INSYN2A: variants seen among roughly 807,000 people sequenced by gnomAD.
INSYN2A encodes inhibitory synaptic factor 2A.
In INSYN2A, 17 loss-of-function variants were observed where a neutral mutation model predicts 39.4. The observed-to-expected ratio is 0.43, with a 90% CI of 0.30 to 0.65. The LOEUF is 0.65. Among genes scored for constraint, INSYN2A ranks in the 30% least tolerant of loss-of-function variants. INSYN2A has a pLI of 0.14. For synonymous variants in INSYN2A, 255 were observed against 265.7 expected (o/e 0.96, Z 0.39); for missense variants, 595 against 631.2 (o/e 0.94, Z 0.61).
intron 2 of INSYN2A, among the ~76,000 whole-genome samples, chr10:127,180,886 G>GT (rs1220518002): frequency 6.6e-6 from 1 of 152,188 alleles, no homozygotes; most frequent in African/African-American, 2.4e-5. Context: ...CATCGTTGTG[G>GT]TATTAAGATA....
At chr10:127,155,786 A>G (rs1256657337) in intron 4 of INSYN2A, among the ~76,000 whole-genome samples, 2 of 152,100 alleles carry the variant, frequency 1.3e-5, no homozygotes, top group Non-Finnish European at 2.9e-5. Flanking sequence ...AGCTAATTCT[A>G]CTGGAGCTCG....
chr10:127,156,548 TTCTTCTTCTTCTTC>T lies in INSYN2A; in HGVS notation c.1185-2639_1185-2626del, dbSNP rs1371732173. On this transcript the variant is annotated intron_variant, in intron 4 of 5. Coordinates refer to ENST00000522781, the MANE Select transcript of INSYN2A (RefSeq NM_001039762.3). The stretch of plus-strand genomic sequence containing the variant: ...TTCTTTTCTCTTTTTCTTCTTCTTC[TTCTTCTTCTTCTTC>T]TTTTTTTTTTTTTTTTTTTTTTGAG... 9.0e-3 allele frequency among the ~76,000 whole-genome samples: 838 copies of T among 93,406 alleles called. 23 individuals are homozygous for T. Among genetic ancestry groups the T allele is most frequent in the African/African-American group, 0.03 (791 of 26,398 alleles). The allele number at this position is 93,406 out of a possible 152,430, so 61.3% of individuals were successfully genotyped here.
chr10:127,146,295 G>A (rs377703398), intron 5 of INSYN2A, among the ~76,000 whole-genome samples: 2 of 152,156 alleles, frequency 1.3e-5, no homozygotes, highest in Non-Finnish European at 2.9e-5. Flanking sequence ...GTTGAGATGG[G>A]TAATCAGTTT....
At chr10:127,180,551 CAAATT>C (rs996863316) in intron 2 of INSYN2A, among the ~76,000 whole-genome samples, 1 of 152,182 alleles carries the variant, frequency 6.6e-6, no homozygotes, top group Non-Finnish European at 1.5e-5. Context: ...TAATTACCCT[CAAATT>C]AAATTTCATA....
intron 5 of INSYN2A, among the ~76,000 whole-genome samples, chr10:127,149,631 T>C (rs2489391): frequency 0.82 from 124,118 of 152,004 alleles, 51,585 homozygotes; most frequent in South Asian, 0.92. Flanking sequence ...GAGTGAAAAG[T>C]GGTGTTTAAA....
chr10:127,175,735 C>A lies in INSYN2A; in HGVS notation c.661G>T (p.Asp221Tyr). Residue 221 changes from aspartate (D) to tyrosine (Y), a missense_variant, in exon 4 of 6, where the codon GAT becomes TAT. Coordinates refer to ENST00000522781, the MANE Select transcript of INSYN2A (RefSeq NM_001039762.3). The surrounding 1 kb of genome is among the most constrained non-coding windows in gnomAD (Gnocchi z 6.3). ...TTGGCCCTCCCGAGCAGCTGGTAAT[C>A]GGGCTCTTCGGATGGAGGCCGAGTG... ...NSTRPPSEEP[D>Y]YQLLGRAKQD... 1 of 1,614,078 alleles carries A rather than the reference C, an allele frequency of 6.2e-7. No homozygotes were observed. Among genetic ancestry groups the A allele is most frequent in the Non-Finnish European group, 8.5e-7 (1 of 1,180,032 alleles).
At chr10:127,154,841 G>T (rs1429641041) in intron 4 of INSYN2A, among the ~76,000 whole-genome samples, 1 of 152,186 alleles carries the variant, frequency 6.6e-6, no homozygotes, top group Non-Finnish European at 1.5e-5. Flanking sequence ...AAGGGTTGAT[G>T]ATGAGAATTT....
chr10:127,151,923 AC>A (rs1377751711), intron 5 of INSYN2A, among the ~76,000 whole-genome samples: 1 of 152,204 alleles, frequency 6.6e-6, no homozygotes, highest in African/African-American at 2.4e-5. Context: ...TTATTCAGTC[AC>A]TTTTAATGTC....
chr10:127,169,917 G>C (rs2054407346), intron 4 of INSYN2A, among the ~76,000 whole-genome samples: 1 of 152,062 alleles, frequency 6.6e-6, no homozygotes, highest in Non-Finnish European at 1.5e-5. Context: ...CCATCCCTCA[G>C]CTCTTTCTTC....
rs749242714 is a variant in INSYN2A at position 127,175,831 on chromosome 10, C to G, written c.565G>C (p.Gly189Arg). The change falls in exon 4 of 6, where the codon GGG becomes CGG. Residue 189 changes from glycine to arginine, a missense_variant. By Grantham distance (125) the Gly-to-Arg change is moderately radical. Transcript: ENST00000522781. The surrounding 1 kb of genome is among the most constrained non-coding windows in gnomAD (Gnocchi z 6.3). ...QHMNTVDQPLGVNCTEPCKSP... is the reference protein window; with the variant it reads ...QHMNTVDQPLRVNCTEPCKSP... ...TTACAGGGCTCTGTGCAGTTGACCC[C>G]CAAAGGCTGGTCCACTGTGTTCATG... 12 of 1,614,112 alleles carry G rather than the reference C, an allele frequency of 7.4e-6. No individual in the cohort carries two copies. The highest frequency in any genetic ancestry group is 6.8e-6 in the Non-Finnish European group (8 of 1,180,014).
At chr10:127,165,275 A>G (rs1228486895) in intron 4 of INSYN2A, among the ~76,000 whole-genome samples, 1 of 152,208 alleles carries the variant, frequency 6.6e-6, no homozygotes. Context: ...ATGAGAACTT[A>G]TACATCTTGG....
chr10:127,145,902 C>T (rs776535760), intron 5 of INSYN2A: 1 of 473,676 alleles, frequency 2.1e-6, no homozygotes, highest in East Asian at 5.9e-5. Flanking sequence ...GTCTAAACGT[C>T]AGCCTGTGCA....
chr10:127,156,549 TCTTCTTCTTC>T (rs1564849316), intron 4 of INSYN2A, among the ~76,000 whole-genome samples: 3 of 93,154 alleles, frequency 3.2e-5, no homozygotes, highest in African/African-American at 1.2e-4. Flanking sequence ...TTCTTCTTCT[TCTTCTTCTTC>T]TTCTTTTTTT....
Position 127,176,468 on chromosome 10 carries a change from A to C in INSYN2A, c.-5-68T>G. The C allele has an allele frequency of 3.0e-6, 4 of 1,336,848 alleles. No individual in the cohort carries two copies. The South Asian group carries it at 5.5e-5, about 19-fold the overall frequency. 82.8% of individuals were successfully genotyped at this position (1,336,848 alleles called of 1,614,324 possible). A position where few individuals can be genotyped will look rare whatever the true frequency, so the allele number is the denominator to read the frequency against. ...TACACACTCAAGCACCGGCCGCACA[A>C]ACTTTTAGCCACCACGACGACTGCC... is the stretch of plus-strand genomic sequence containing the variant. On this transcript the variant is annotated intron_variant, in intron 3 of 5. Coordinates refer to ENST00000522781, the MANE Select transcript of INSYN2A (RefSeq NM_001039762.3). The surrounding 1 kb of genome is among the most constrained non-coding windows in gnomAD (Gnocchi z 4.4).
intron 2 of INSYN2A, among the ~76,000 whole-genome samples, chr10:127,185,137 G>A (rs2060937553): frequency 6.6e-6 from 1 of 152,144 alleles, no homozygotes; most frequent in South Asian, 2.1e-4. Context: ...CTTTGTGTCG[G>A]TTTTCTCTCC....
intron 2 of INSYN2A, among the ~76,000 whole-genome samples, chr10:127,184,356 T>G (rs184881082): frequency 8.2e-6 from 1 of 122,286 alleles, no homozygotes; most frequent in Non-Finnish European, 1.6e-5. Context: ...CACCATGCCC[T>G]ATTCGTTTTT....
chr10:127,186,319 A>G (rs1288041014), intron 2 of INSYN2A, among the ~76,000 whole-genome samples: 1 of 152,218 alleles, frequency 6.6e-6, no homozygotes, highest in African/African-American at 2.4e-5. Context: ...GCAAAGGAGA[A>G]GCAGGCACCT....
intron 2 of INSYN2A, among the ~76,000 whole-genome samples, chr10:127,186,640 A>C (rs1312732892): frequency 6.6e-6 from 1 of 151,608 alleles, no homozygotes; most frequent in Non-Finnish European, 1.5e-5. Flanking sequence ...GGGCATAAAC[A>C]TATGAATGAA....
intron 5 of INSYN2A, among the ~76,000 whole-genome samples, chr10:127,151,463 C>T (rs1473270613): frequency 1.3e-5 from 2 of 152,078 alleles, no homozygotes; most frequent in East Asian, 3.9e-4. Flanking sequence ...GTGACCACTC[C>T]AAAGGGAGTG....
Sources: gnomAD v4.1 joint callset for allele counts (sites outside exome capture counted in the v4.1 genomes callset) on GRCh38, gnomAD v4.1.1 for gene constraint, Gnocchi (gnomAD v3.1) non-coding constraint, MANE v1.5 for transcripts, NCBI Gene and HGNC (gene_info 2026-07-23, HGNC 2026-07-21) for gene names.